The following PRKCA variants were observed in gnomAD, a reference collection of about 807,000 sequenced individuals.
PRKCA encodes protein kinase C alpha, also known as protein kinase C alpha type.
PRKCA carries 27 observed loss-of-function variants against 87.0 expected under a neutral mutation model. The observed-to-expected ratio is 0.31, with a 90% CI of 0.23 to 0.43. The LOEUF (loss-of-function observed/expected upper bound fraction) is 0.43, where lower values mean the gene tolerates loss of function less well. Among genes scored for constraint, PRKCA ranks in the 20% least tolerant of loss-of-function variants. The probability of loss-of-function intolerance (pLI) is 1.00; values close to 1 mark genes in which losing one functional copy is unlikely to be tolerated. For synonymous variants in PRKCA, 329 were observed against 311.1 expected (o/e 1.06, Z -0.61); for missense variants, 518 against 852.3 (o/e 0.61, Z 4.88).
intron 10 of PRKCA, among the ~76,000 whole-genome samples, chr17:66,736,524 C>T (rs1329564863): frequency 1.3e-5 from 2 of 151,832 alleles, no homozygotes; most frequent in African/African-American, 2.4e-5. Flanking sequence ...GTGATCCACC[C>T]GCCTCGGCCT....
In PRKCA at chr17:66,368,380, ATATATATTTTT is replaced by A. The variant is rs1908876796; in HGVS notation, c.205+62255_205+62265del. Among the ~76,000 whole-genome samples the A allele has an allele frequency of 1.7e-4, 5 of 29,922 alleles. No homozygotes were observed. In the East Asian group the frequency reaches 5.5e-3, roughly 33 times the overall value. 19.6% of individuals were successfully genotyped at this position (29,922 alleles called of 152,430 possible). Reference sequence around the variant, plus strand: ...TGTGTATATGTATATATATATATATATATATATTTTTTTTTTTTTTTTTTTTTTTTTGGAGA... The same window carrying A: ...TGTGTATATGTATATATATATATATATTTTTTTTTTTTTTTTTTTTGGAGA... On this transcript the variant is annotated intron_variant, in intron 2 of 16. Coordinates refer to ENST00000413366, the MANE Select transcript of PRKCA (RefSeq NM_002737.3).
chr17:66,320,490 A>G (rs1905592967), intron 2 of PRKCA, among the ~76,000 whole-genome samples: 1 of 152,160 alleles, frequency 6.6e-6, no homozygotes, highest in African/African-American at 2.4e-5. Flanking sequence ...ATATGCATCT[A>G]AACTCTAGGA....
intron 3 of PRKCA, among the ~76,000 whole-genome samples, chr17:66,624,345 G>C (rs1970781592): frequency 6.6e-6 from 1 of 152,160 alleles, no homozygotes; most frequent in Non-Finnish European, 1.5e-5. Flanking sequence ...TCCAGACTCT[G>C]AAACTCTCTC....
chr17:66,321,032 T>C (rs1905623996), intron 2 of PRKCA, among the ~76,000 whole-genome samples: 3 of 152,236 alleles, frequency 2.0e-5, no homozygotes, highest in South Asian at 2.1e-4. Context: ...TTCAGTGTTG[T>C]TGATTTGAGG....
At chr17:66,336,332 A>G (rs1327810491) in intron 2 of PRKCA, among the ~76,000 whole-genome samples, 1 of 152,236 alleles carries the variant, frequency 6.6e-6, no homozygotes, top group African/African-American at 2.4e-5. Context: ...CTTGACATGC[A>G]AACAAATATT....
chr17:66,651,303 A>T (rs574417033), intron 5 of PRKCA, among the ~76,000 whole-genome samples: 1 of 152,338 alleles, frequency 6.6e-6, no homozygotes, highest in African/African-American at 2.4e-5. Flanking sequence ...CTTAGGAGCC[A>T]TGCGCACAGG....
At chr17:66,614,536 C>T (rs983634915) in intron 3 of PRKCA, among the ~76,000 whole-genome samples, 5 of 152,126 alleles carry the variant, frequency 3.3e-5, no homozygotes, top group African/African-American at 1.2e-4. Context: ...CTGTGTTTAT[C>T]TCATGCCAAA....
intron 3 of PRKCA, among the ~76,000 whole-genome samples, chr17:66,607,798 A>G (rs1008433017): frequency 3.2e-4 from 48 of 152,166 alleles, no homozygotes; most frequent in African/African-American, 1.1e-3. Context: ...TGTAGGATCA[A>G]CCAGGTTTCA....
At chr17:66,552,640 A>G (rs1375454535) in intron 3 of PRKCA, among the ~76,000 whole-genome samples, 1 of 152,172 alleles carries the variant, frequency 6.6e-6, no homozygotes, top group Admixed American at 6.5e-5. Flanking sequence ...CCAAGCCAAG[A>G]TTGCACTGTC....
chr17:66,450,283 T>G (rs890508589), intron 2 of PRKCA, among the ~76,000 whole-genome samples: 1 of 152,140 alleles, frequency 6.6e-6, no homozygotes, highest in Non-Finnish European at 1.5e-5. Context: ...TCTGCAAGAA[T>G]TGGAACAGCT....
chr17:66,562,589 T>TG (rs1968746929), intron 3 of PRKCA, among the ~76,000 whole-genome samples: 1 of 147,720 alleles, frequency 6.8e-6, no homozygotes, highest in Non-Finnish European at 1.5e-5. Context: ...AGTTTTGTTT[T>TG]TTTTTGTTGT....
intron 3 of PRKCA, among the ~76,000 whole-genome samples, chr17:66,623,893 G>A (rs1054329285): frequency 6.6e-6 from 1 of 152,078 alleles, no homozygotes; most frequent in African/African-American, 2.4e-5. Context: ...CAAGTGCAAA[G>A]GCCCTGAGGC....
chr17:66,652,940 C>T (rs929135701), intron 5 of PRKCA, among the ~76,000 whole-genome samples: 1 of 152,240 alleles, frequency 6.6e-6, no homozygotes, highest in East Asian at 1.9e-4. Flanking sequence ...CTCAACCCAA[C>T]GCTGTGTTTC....
At chr17:66,395,389 T>G (rs1303641894) in intron 2 of PRKCA, among the ~76,000 whole-genome samples, 1 of 152,230 alleles carries the variant, frequency 6.6e-6, no homozygotes, top group Admixed American at 6.5e-5. Context: ...ACCATTATAA[T>G]ATATATAAAT....
chr17:66,590,090 T>C (rs1969754589), intron 3 of PRKCA, among the ~76,000 whole-genome samples: 1 of 152,080 alleles, frequency 6.6e-6, no homozygotes, highest in Admixed American at 6.5e-5. Context: ...CACCGGTCCA[T>C]GGCCTGGGGG....
intron 5 of PRKCA, among the ~76,000 whole-genome samples, chr17:66,659,600 G>A (rs539536372): frequency 5.3e-5 from 8 of 152,120 alleles, no homozygotes; most frequent in East Asian, 1.9e-4. Flanking sequence ...AAAATTAGCC[G>A]GGCATGGTGG....
At chr17:66,578,979 G>C (rs1179607378) in intron 3 of PRKCA, among the ~76,000 whole-genome samples, 1 of 152,210 alleles carries the variant, frequency 6.6e-6, no homozygotes, top group Non-Finnish European at 1.5e-5. Context: ...TCTCACCTCT[G>C]CACTTGCAAG....
At chr17:66,759,351 G>A (rs1354668694) in intron 13 of PRKCA, among the ~76,000 whole-genome samples, 8 of 148,384 alleles carry the variant, frequency 5.4e-5, no homozygotes, top group East Asian at 2.0e-4. Flanking sequence ...GCGAGACTCC[G>A]TCTCAAAAAA....
intron 8 of PRKCA, among the ~76,000 whole-genome samples, chr17:66,706,048 A>G (rs1318891933): frequency 3.9e-5 from 6 of 152,188 alleles, no homozygotes; most frequent in East Asian, 1.9e-4. Flanking sequence ...ACCTCCAAGT[A>G]TGGGAGCTGA....
Sources: allele counts gnomAD v4.1 joint callset (sites outside exome capture counted in the v4.1 genomes callset), GRCh38; gene constraint gnomAD v4.1.1; transcripts MANE v1.5; gene names NCBI Gene and HGNC (gene_info 2026-07-23, HGNC 2026-07-21).